The following PRKG1 variants were observed in gnomAD, a reference collection of about 807,000 sequenced individuals.
The protein encoded by PRKG1 is protein kinase cGMP-dependent 1.
Under a neutral mutation model 88.1 loss-of-function variants are expected in PRKG1, and 35 were observed. That is an observed-to-expected ratio of 0.40 (90% confidence interval 0.30 to 0.53). The LOEUF (loss-of-function observed/expected upper bound fraction) is 0.53, where lower values mean the gene tolerates loss of function less well. Ranked by LOEUF, PRKG1 falls within the 20% of genes least tolerant of loss-of-function variation. The probability of loss-of-function intolerance (pLI) is 0.59; values close to 1 mark genes in which losing one functional copy is unlikely to be tolerated. For missense variants in PRKG1, 540 were observed against 839.8 expected, an observed-to-expected ratio of 0.64 and a Z score of 4.41; for synonymous variants, 303 against 292.5, an observed-to-expected ratio of 1.04 and a Z score of -0.37.
At chr10:51,058,009 A>G (rs1345543306) in intron 1 of PRKG1, among the ~76,000 whole-genome samples, 1 of 152,140 alleles carries the variant, frequency 6.6e-6, no homozygotes, top group African/African-American at 2.4e-5. Context: ...ATTGTTCCAC[A>G]GACTAAGGAT....
intron 3 of PRKG1, among the ~76,000 whole-genome samples, chr10:51,498,326 G>T (rs1409196211): frequency 6.6e-6 from 1 of 152,066 alleles, no homozygotes; most frequent in Admixed American, 6.6e-5. Flanking sequence ...AAACAACATG[G>T]AGTAGTTATT....
rs531294563 is a variant in PRKG1, at chr10:51,869,059, T to A, written c.699-38448T>A. On this transcript the variant is annotated intron_variant, in intron 4 of 17. Transcript: ENST00000373980. ...GGGTCTTTTTCTTTTACGGACTGAT[T>A]GTTTTCAAATTCTTTCAAACTAAAT... Among the ~76,000 whole-genome samples, 6 of 152,362 alleles carry A rather than the reference T, an allele frequency of 3.9e-5. No homozygotes were observed. In the East Asian group the frequency reaches 1.2e-3, roughly 29 times the overall value.
intron 7 of PRKG1, among the ~76,000 whole-genome samples, chr10:52,130,485 G>A (rs1223320705): frequency 1.3e-5 from 2 of 152,104 alleles, no homozygotes; most frequent in African/African-American, 4.8e-5. Context: ...TCAAAATGAA[G>A]CACTATTTTG....
At chr10:50,999,982 C>T (rs901996058) in intron 1 of PRKG1, among the ~76,000 whole-genome samples, 32 of 152,246 alleles carry the variant, frequency 2.1e-4, no homozygotes, top group South Asian at 2.1e-4. Context: ...CTATCTAGAA[C>T]GTATTAAAAA....
intron 3 of PRKG1, among the ~76,000 whole-genome samples, chr10:51,657,538 A>C (rs370762933): frequency 3.9e-5 from 6 of 152,144 alleles, no homozygotes; most frequent in Admixed American, 3.9e-4. Flanking sequence ...CTTGTGCCCC[A>C]GGATCGTGGA....
At chr10:51,146,016 A>AAAC (rs1845938531) in intron 1 of PRKG1, among the ~76,000 whole-genome samples, 4 of 151,654 alleles carry the variant, frequency 2.6e-5, no homozygotes, top group East Asian at 3.9e-4. Context: ...AAAATACGAA[A>AAAC]AAACAAACAA....
intron 3 of PRKG1, among the ~76,000 whole-genome samples, chr10:51,514,151 A>G (rs1399588159): frequency 1.3e-5 from 2 of 149,008 alleles, no homozygotes; most frequent in East Asian, 4.0e-4. Context: ...ACAATAAAAA[A>G]TGATAAAGGG....
chr10:51,254,304 A>G (rs1839501100), intron 2 of PRKG1, among the ~76,000 whole-genome samples: 1 of 151,970 alleles, frequency 6.6e-6, no homozygotes, highest in African/African-American at 2.4e-5. Context: ...TGTCTCGCTC[A>G]TATTGTTATC....
intron 17 of PRKG1, among the ~76,000 whole-genome samples, chr10:52,291,588 AT>A (rs1299172711): frequency 6.6e-6 from 1 of 151,922 alleles, no homozygotes. Flanking sequence ...TGAACTCATC[AT>A]TTTTATGGCT....
At chr10:52,075,499 T>A (rs1846606289) in intron 7 of PRKG1, among the ~76,000 whole-genome samples, 1 of 152,222 alleles carries the variant, frequency 6.6e-6, no homozygotes, top group Admixed American at 6.5e-5. Flanking sequence ...CTTCAAAGCT[T>A]ACTTTAAAGC....
intron 1 of PRKG1, among the ~76,000 whole-genome samples, chr10:51,097,290 T>G (rs1844552253): frequency 6.6e-6 from 1 of 152,178 alleles, no homozygotes; most frequent in Admixed American, 6.5e-5. Flanking sequence ...TAGCATGATC[T>G]CAGCTCACTG....
chr10:51,179,153 C>G (rs7068022), intron 2 of PRKG1, among the ~76,000 whole-genome samples: 77,824 of 151,924 alleles, frequency 0.51, 20,350 homozygotes, highest in African/African-American at 0.64. Context: ...AATTGGTGCT[C>G]AGAACTCAGT....
At chr10:52,079,521 C>T (rs574281456) in intron 7 of PRKG1, among the ~76,000 whole-genome samples, 1 of 152,294 alleles carries the variant, frequency 6.6e-6, no homozygotes, top group South Asian at 2.1e-4. Context: ...ACTTCTGTTT[C>T]CCTCTGAGGC....
intron 3 of PRKG1, among the ~76,000 whole-genome samples, chr10:51,705,632 G>A (rs988459010): frequency 6.6e-6 from 1 of 152,112 alleles, no homozygotes; most frequent in Non-Finnish European, 1.5e-5. Flanking sequence ...CACTTAGTAG[G>A]GAGAAGGCTC....
intron 2 of PRKG1, among the ~76,000 whole-genome samples, chr10:51,345,347 T>C (rs954542200): frequency 2.6e-5 from 4 of 152,190 alleles, no homozygotes; most frequent in Non-Finnish European, 4.4e-5. Context: ...AATTATATTT[T>C]CTAAATAATG....
chr10:51,903,087 A>T (rs983960900), intron 4 of PRKG1, among the ~76,000 whole-genome samples: 6 of 152,146 alleles, frequency 3.9e-5, no homozygotes, highest in Admixed American at 3.9e-4. Flanking sequence ...ATAGGTTAAC[A>T]TAAATAAAAT....
intron 1 of PRKG1, among the ~76,000 whole-genome samples, chr10:51,113,551 A>G (rs1419984313): frequency 2.6e-5 from 4 of 152,148 alleles, no homozygotes; most frequent in African/African-American, 9.7e-5. Context: ...TTAAATTGAC[A>G]TCTATACATG....
chr10:51,348,364 A>C (rs1010950555), intron 2 of PRKG1, among the ~76,000 whole-genome samples: 7 of 152,136 alleles, frequency 4.6e-5, no homozygotes, highest in Admixed American at 6.5e-5. Flanking sequence ...CAACAAATTA[A>C]ATATATAATC....
At chr10:51,306,462 T>C (rs1273051268) in intron 2 of PRKG1, 1 of 151,946 alleles carries the variant, frequency 6.6e-6, no homozygotes, top group Non-Finnish European at 1.5e-5. Context: ...GTTCTGGGAG[T>C]TTCCATAGTT....
Sources: allele counts gnomAD v4.1 joint callset (sites outside exome capture counted in the v4.1 genomes callset), GRCh38; gene constraint gnomAD v4.1.1; transcripts MANE v1.5; gene names NCBI Gene and HGNC (gene_info 2026-07-23, HGNC 2026-07-21).